SOX5: variants seen among roughly 807,000 people sequenced by gnomAD.
SOX5 encodes SRY-box transcription factor 5, also known as transcription factor SOX-5.
In SOX5, 9 loss-of-function variants were observed where a neutral mutation model predicts 92.0. That is an observed-to-expected ratio of 0.10 (90% confidence interval 0.06 to 0.17). The LOEUF is 0.17. SOX5 is among the 10% of genes least tolerant of loss of function. SOX5 has a pLI of 1.00. For missense variants in SOX5, 642 were observed against 944.5 expected, an observed-to-expected ratio of 0.68 and a Z score of 4.20; for synonymous variants, 344 against 336.3, an observed-to-expected ratio of 1.02 and a Z score of -0.25.
intron 4 of SOX5, among the ~76,000 whole-genome samples, chr12:24,092,628 C>T (rs935167480): frequency 2.6e-5 from 4 of 152,194 alleles, no homozygotes; most frequent in South Asian, 2.1e-4. Context: ...GATGCATCTT[C>T]AACCAGCCCT....
chr12:24,178,265 T>TC (rs71445993), intron 4 of SOX5, among the ~76,000 whole-genome samples: 4,062 of 116,242 alleles, frequency 0.035, 67 homozygotes, highest in Middle Eastern at 0.059. Flanking sequence ...TTTTTTTTTT[T>TC]CCCATTTAAG....
chr12:23,987,482 A>G (rs1481523281), intron 4 of SOX5, among the ~76,000 whole-genome samples: 1 of 152,208 alleles, frequency 6.6e-6, no homozygotes, highest in African/African-American at 2.4e-5. Flanking sequence ...AAGTGGTCTT[A>G]GAGAGGCAAC....
intron 8 of SOX5, among the ~76,000 whole-genome samples, chr12:23,628,080 A>C (rs2078065343): frequency 6.6e-6 from 1 of 152,134 alleles, no homozygotes; most frequent in Admixed American, 6.6e-5. Context: ...ATAAAAATAA[A>C]GAATGTGTAA....
chr12:24,109,101 C>A (rs973107479), intron 4 of SOX5, among the ~76,000 whole-genome samples: 13 of 152,084 alleles, frequency 8.5e-5, no homozygotes, highest in Admixed American at 6.5e-4. Context: ...CCAAATGAAT[C>A]TTTATTTCTA....
intron 4 of SOX5, among the ~76,000 whole-genome samples, chr12:24,166,052 G>C (rs1953369717): frequency 6.6e-6 from 1 of 152,138 alleles, no homozygotes; most frequent in African/African-American, 2.4e-5. Flanking sequence ...AACTGGGGTA[G>C]TGGAAGAAGA....
chr12:23,730,817 A>T (rs183102843), intron 6 of SOX5, among the ~76,000 whole-genome samples: 1 of 152,338 alleles, frequency 6.6e-6, no homozygotes, highest in East Asian at 1.9e-4. Flanking sequence ...AGAAAGAATT[A>T]AAAAGGCCAA....
intron 3 of SOX5, among the ~76,000 whole-genome samples, chr12:23,785,924 A>G (rs2095369486): frequency 6.6e-6 from 1 of 151,820 alleles, no homozygotes. Flanking sequence ...TTTTCCTCTC[A>G]TTTTTGTTGG....
chr12:23,691,774 G>A (rs1567008928), intron 6 of SOX5, among the ~76,000 whole-genome samples: 1 of 151,986 alleles, frequency 6.6e-6, no homozygotes, highest in Non-Finnish European at 1.5e-5. Context: ...CAAAAGATCT[G>A]TCTATTTTAA....
chr12:24,388,458 G>A (rs2136453078), intron 1 of SOX5, among the ~76,000 whole-genome samples: 1 of 152,234 alleles, frequency 6.6e-6, no homozygotes, highest in Non-Finnish European at 1.5e-5. Context: ...TCAGAGCACG[G>A]TGATGTCTCT....
chr12:23,896,242 T>C (rs1328799296), intron 1 of SOX5, among the ~76,000 whole-genome samples: 1 of 152,168 alleles, frequency 6.6e-6, no homozygotes, highest in East Asian at 1.9e-4. Context: ...AATACACTAA[T>C]ATAGCACTCT....
At chr12:24,289,850 T>C (rs1035612076) in intron 2 of SOX5, among the ~76,000 whole-genome samples, 3 of 152,202 alleles carry the variant, frequency 2.0e-5, no homozygotes, top group Admixed American at 1.3e-4. Context: ...ACAAGGATAA[T>C]GTCTCACTTA....
At chr12:24,246,392 A>C (rs1001516929) in intron 3 of SOX5, among the ~76,000 whole-genome samples, 3 of 152,160 alleles carry the variant, frequency 2.0e-5, no homozygotes, top group Admixed American at 1.3e-4. Flanking sequence ...AAATTCAAGG[A>C]AATTACAATA....
In SOX5 at chr12:24,362,656, C is replaced by T. The variant is rs1955710326; in HGVS notation, c.-174+5907G>A. Reference sequence around the variant, plus strand: ...GTACAACTCAAATCAGCCCTGATGACAGGACTCTGTGATCAGGTAAGGAGT... The same window carrying T: ...GTACAACTCAAATCAGCCCTGATGATAGGACTCTGTGATCAGGTAAGGAGT... On this transcript the variant is annotated intron_variant, in intron 2 of 4. Transcript: ENST00000446891. Among the ~76,000 whole-genome samples the T allele has an allele frequency of 2.0e-5, 3 of 152,224 alleles. No homozygotes were observed. The South Asian group carries it at 6.2e-4, about 32-fold the overall frequency.
In SOX5 at chr12:23,807,485, T is replaced by C. The variant is rs142173196; in HGVS notation, c.481+38498A>G. Reference sequence around the variant, plus strand: ...AACAGAGGCAGAGATTAGACTGATATAGTTGCAAGCCAAGAAGTATCAAGG... The same window carrying C: ...AACAGAGGCAGAGATTAGACTGATACAGTTGCAAGCCAAGAAGTATCAAGG... On this transcript the variant is annotated intron_variant, in intron 3 of 14. Transcript: ENST00000451604. Among the ~76,000 whole-genome samples the C allele has an allele frequency of 2.0e-3, 307 of 152,194 alleles. 1 individual carries two copies. Among genetic ancestry groups the C allele is most frequent in the Admixed American group, 9.0e-3 (137 of 15,284 alleles).
At chr12:24,368,830 A>C (rs1453094976) in intron 1 of SOX5, among the ~76,000 whole-genome samples, 1 of 152,006 alleles carries the variant, frequency 6.6e-6, no homozygotes, top group African/African-American at 2.4e-5. Context: ...TATTCTAAAA[A>C]CTCCATTCTT....
chr12:23,895,063 C>T (rs969991321), intron 2 of SOX5, among the ~76,000 whole-genome samples: 2 of 152,004 alleles, frequency 1.3e-5, no homozygotes, highest in African/African-American at 2.4e-5. Flanking sequence ...TTTATGTGTG[C>T]TGTTTAAGCT....
At chr12:23,986,189 C>T (rs1347032269) in intron 4 of SOX5, among the ~76,000 whole-genome samples, 1 of 152,068 alleles carries the variant, frequency 6.6e-6, no homozygotes, top group Non-Finnish European at 1.5e-5. Flanking sequence ...CCACCAAAGA[C>T]ATTATCAGAG....
rs1939586157 is a variant in SOX5 at position 23,533,739 on chromosome 12, G to T, written c.*480C>A. On this transcript the variant is annotated 3_prime_UTR_variant, in exon 15 of 15. Coordinates refer to ENST00000451604, the MANE Select transcript of SOX5 (RefSeq NM_006940.6). The stretch of plus-strand genomic sequence containing the variant: ...TACAAAGAAAAAAAATGAAAGGAAA[G>T]AAAAAGAAAAGGAAAAAACCCAGAA... 1 of 152,074 alleles carries T rather than the reference G, an allele frequency of 6.6e-6. No homozygotes were observed. The highest frequency in any genetic ancestry group is 1.5e-5 in the Non-Finnish European group (1 of 68,108). The allele number at this position is 152,074 out of a possible 1,614,324, so 9.4% of individuals were successfully genotyped here.
intron 4 of SOX5, among the ~76,000 whole-genome samples, chr12:24,168,186 A>C (rs1004545506): frequency 6.6e-6 from 1 of 152,226 alleles, no homozygotes; most frequent in Non-Finnish European, 1.5e-5. Context: ...AGAGTTAAAC[A>C]GTCCCTCCAT....
Sources: gnomAD v4.1 joint callset for allele counts (sites outside exome capture counted in the v4.1 genomes callset) on GRCh38, gnomAD v4.1.1 for gene constraint, MANE v1.5 for transcripts, NCBI Gene and HGNC (gene_info 2026-07-23, HGNC 2026-07-21) for gene names.